The following PRRG3 variants were observed in gnomAD, a reference collection of about 807,000 sequenced individuals.
PRRG3 encodes transmembrane gamma-carboxyglutamic acid protein 3.
PRRG3 carries 21 observed loss-of-function variants against 15.8 expected under a neutral mutation model. The observed-to-expected ratio is 1.33, with a 90% confidence interval of 0.94 to 1.92. The LOEUF is 1.92. PRRG3 is among the 40% of genes most tolerant of loss of function. The pLI is 0.00. For missense variants in PRRG3, 251 were observed against 200.2 expected, an observed-to-expected ratio of 1.25 and a Z score of -1.53; for synonymous variants, 125 against 84.1, an observed-to-expected ratio of 1.49 and a Z score of -2.66.
rs1036008078 is a variant in PRRG3 at position 151,705,615 on chromosome X, T to C, written c.*4582T>C. On this transcript the variant is annotated 3_prime_UTR_variant, in exon 4 of 4. Coordinates refer to ENST00000674457, the MANE Select transcript of PRRG3 (RefSeq NM_001372163.1). Reference sequence around the variant, plus strand: ...ACACATCTGTTATTTTGCTCTGACATTGTGAATTTGTGACAGTGGAAACCC... The same window carrying C: ...ACACATCTGTTATTTTGCTCTGACACTGTGAATTTGTGACAGTGGAAACCC... 2.5e-5 allele frequency: 5 copies of C among 202,698 alleles called. No homozygotes were observed. The highest frequency in any genetic ancestry group is 4.7e-5 in the Non-Finnish European group (5 of 106,761). 16.7% of individuals were successfully genotyped at this position (202,698 alleles called of 1,213,427 possible).
At position 151,704,936 on chromosome X, in the gene PRRG3, T is replaced by C; in HGVS notation, c.*3903T>C. On this transcript the variant is annotated 3_prime_UTR_variant, in exon 4 of 4. Coordinates refer to ENST00000674457, the MANE Select transcript of PRRG3 (RefSeq NM_001372163.1). ...ACAACTTAAGACAATTCACAGTAGC[T>C]GTGATTCTGGCTACATAAAAATATT... 1.5e-5 allele frequency: 2 copies of C among 129,487 alleles called. No homozygotes were observed. The highest frequency in any genetic ancestry group is 3.1e-5 in the Non-Finnish European group (2 of 64,763). 10.7% of individuals were successfully genotyped at this position (129,487 alleles called of 1,213,427 possible). A position where few individuals can be genotyped will look rare whatever the true frequency, so the allele number is the denominator to read the frequency against.
intron 1 of PRRG3, among the ~76,000 whole-genome samples, chrX:151,697,166 C>T (rs1022845287): frequency 1.1e-4 from 11 of 97,292 alleles, no homozygotes; most frequent in African/African-American, 1.5e-4. Flanking sequence ...CTCTCTTTCT[C>T]TCTTTCTCTC....
intron 1 of PRRG3, among the ~76,000 whole-genome samples, chrX:151,696,688 T>C (rs762501339): frequency 1.8e-5 from 2 of 111,175 alleles, no homozygotes; most frequent in Non-Finnish European, 3.8e-5. Flanking sequence ...ACAGCTCCAT[T>C]TTTCTTCAAG....
rs187205365 is a variant in PRRG3 at position 151,700,267 on chromosome X, G to C, written c.168+111G>C. The C allele has an allele frequency of 2.7e-4, 325 of 1,187,053 alleles. No individual in the cohort carries two copies. The East Asian group carries it at 8.2e-3, about 30-fold the overall frequency. The stretch of plus-strand genomic sequence containing the variant: ...AAGCAAGGAAAGACACCCAGCCTAA[G>C]GCATAGCCACTAGGGCCATCACGGA... On this transcript the variant is annotated intron_variant, in intron 3 of 3. Coordinates refer to ENST00000674457, the MANE Select transcript of PRRG3 (RefSeq NM_001372163.1).
rs2014954032 is a variant in PRRG3, at chrX:151,705,052, A to G, written c.*4019A>G. On this transcript the variant is annotated 3_prime_UTR_variant, in exon 4 of 4. Transcript: ENST00000674457. ...AGTACCCTTTTCAAAGAAAAGGCTC[A>G]AGATATTAAGGATCCCTTCACCGTG... 5.5e-6 allele frequency: 1 copy of G among 181,105 alleles called. No homozygotes were observed. Among genetic ancestry groups the G allele is most frequent in the Non-Finnish European group, 1.0e-5 (1 of 97,337 alleles). 14.9% of individuals were successfully genotyped at this position (181,105 alleles called of 1,213,427 possible).
intron 1 of PRRG3, among the ~76,000 whole-genome samples, chrX:151,697,129 T>TCC (rs2124337895): frequency 1.6e-5 from 1 of 64,023 alleles, no homozygotes; most frequent in East Asian, 4.8e-4. Context: ...CCTCCCTCCC[T>TCC]CTCTCCCTCC....
rs756868261 is a variant in PRRG3 at position 151,700,881 on chromosome X, C to G, written c.544C>G (p.Leu182Val). The change falls in exon 4 of 4, where the codon CTC becomes GTC. Residue 182 changes from leucine to valine, a missense_variant. Physicochemically the swap from Leu to Val is conservative, Grantham distance 32. Coordinates refer to ENST00000674457, the MANE Select transcript of PRRG3 (RefSeq NM_001372163.1). ...CACCCTCTACCTCCCTGAGCTCTCT[C>G]TCTCCAGACTGTCCAGCACCACCCC... is the stretch of plus-strand genomic sequence containing the variant. Reference protein sequence around the residue: ...ESTLYLPELSLSRLSSTTPPP... With the variant: ...ESTLYLPELSVSRLSSTTPPP... The G allele has an allele frequency of 1.7e-6, 2 of 1,210,381 alleles. No homozygotes were observed. Among genetic ancestry groups the G allele is most frequent in the South Asian group, 3.5e-5 (2 of 56,786 alleles).
rs1244485880 is a variant in PRRG3, at chrX:151,701,444, G to GCCCT, written c.*411_*412insCCCT. The GCCCT allele has an allele frequency of 8.5e-5, 11 of 129,067 alleles. No individual in the cohort carries two copies. The highest frequency in any genetic ancestry group is 1.2e-4 in the Non-Finnish European group (8 of 64,383). 10.6% of individuals were successfully genotyped at this position (129,067 alleles called of 1,213,427 possible). A position where few individuals can be genotyped will look rare whatever the true frequency, so the allele number is the denominator to read the frequency against. On this transcript the variant is annotated 3_prime_UTR_variant, in exon 4 of 4. Transcript: ENST00000674457. ...GTGTCTAGAGCTCTGGGCCTCAGGG[G>GCCCT]TAAGGGAAGGAAGCCAGCCTTTCAG... is the stretch of plus-strand genomic sequence containing the variant.
chrX:151,700,641 A>C lies in PRRG3; in HGVS notation c.304A>C (p.Arg102=). ...LIVIALFIIW[R]CQLQKATRHH... ...TGTCATCGCCTTGTTCATCATCTGG[A>C]GGTGCCAGCTGCAGAAAGCGACCCG... Residue 102 remains arginine (R), a synonymous_variant, in exon 4 of 4, where the codon AGG becomes CGG. Coordinates refer to ENST00000674457, the MANE Select transcript of PRRG3 (RefSeq NM_001372163.1). 2 of 1,211,134 alleles carry C rather than the reference A, an allele frequency of 1.7e-6. No individual in the cohort carries two copies. The highest frequency in any genetic ancestry group is 2.2e-6 in the Non-Finnish European group (2 of 895,304).
Position 151,703,476 on chromosome X carries a change from T to C in PRRG3, c.*2443T>C, listed in dbSNP as rs1432828769. ...GGACTTCTATGTGTGTGTGTGTGTGTGTGTGTGTGTGTATCTATGTGTGCA... is the reference window on the plus strand; with the variant it reads ...GGACTTCTATGTGTGTGTGTGTGTGCGTGTGTGTGTGTATCTATGTGTGCA... On this transcript the variant is annotated 3_prime_UTR_variant, in exon 4 of 4. Transcript: ENST00000674457. 9.0e-6 allele frequency: 1 copy of C among 111,044 alleles called. No homozygotes were observed. The highest frequency in any genetic ancestry group is 3.3e-5 in the African/African-American group (1 of 30,534). The allele number at this position is 111,044 out of a possible 1,213,427, so 9.2% of individuals were successfully genotyped here. A position where few individuals can be genotyped will look rare whatever the true frequency, so the allele number is the denominator to read the frequency against.
chrX:151,700,764 G>C lies in PRRG3; in HGVS notation c.427G>C (p.Gly143Arg), dbSNP rs2014860646. 8.3e-7 allele frequency: 1 copy of C among 1,199,796 alleles called. No homozygotes were observed. Among genetic ancestry groups the C allele is most frequent in the South Asian group, 1.8e-5 (1 of 55,954 alleles). The change falls in exon 4 of 4, where the codon GGG (glycine) becomes CGG (arginine). Residue 143 changes from glycine (G) to arginine (R), a missense_variant. Physicochemically the swap from Gly to Arg is moderately radical, Grantham distance 125. Transcript: ENST00000674457. The stretch of plus-strand genomic sequence containing the variant: ...GTACCGGGGTACTGTGCATAGCCAA[G>C]GGGAGCCTTCTGGGCACCGAGAGGC... Reference protein sequence around the residue: ...MVYRGTVHSQGEPSGHREAAN... With the variant: ...MVYRGTVHSQREPSGHREAAN...
chrX:151,699,364 C>T (rs997278434), intron 2 of PRRG3, among the ~76,000 whole-genome samples: 12 of 112,509 alleles, frequency 1.1e-4, no homozygotes, highest in South Asian at 3.7e-4. Context: ...GACTCTCCAT[C>T]TGAACCCTGC....
rs2014834255 is a variant in PRRG3 at position 151,699,995 on chromosome X, G to A, written c.8-1G>A. 8.3e-7 allele frequency: 1 copy of A among 1,202,048 alleles called. No homozygotes were observed. The highest frequency in any genetic ancestry group is 1.7e-5 in the African/African-American group (1 of 57,300). On this transcript the variant is annotated splice_acceptor_variant, in intron 2 of 3. Transcript: ENST00000674457. LOFTEE classifies it high-confidence loss of function. The stretch of plus-strand genomic sequence containing the variant: ...AGGCCTCAGTAGGGCTCTCTCCTCA[G>A]TGTTTCTGGAGGCCAAGGATGCCCA...
rs2014916762 is a variant in PRRG3, at chrX:151,703,337, A to G, written c.*2304A>G. The G allele has an allele frequency of 8.9e-6, 1 of 112,270 alleles. No individual in the cohort carries two copies. 9.3% of individuals were successfully genotyped at this position (112,270 alleles called of 1,213,427 possible). On this transcript the variant is annotated 3_prime_UTR_variant, in exon 4 of 4. Transcript: ENST00000674457. ...CACACAGCAGGCATCACTCCTTGCG[A>G]TGCACACTTGGATTTTATGAATGCC... is the stretch of plus-strand genomic sequence containing the variant.
chrX:151,701,126 G>T lies in PRRG3; in HGVS notation c.*93G>T. 1.2e-6 allele frequency: 1 copy of T among 838,285 alleles called. No homozygotes were observed. The highest frequency in any genetic ancestry group is 1.6e-6 in the Non-Finnish European group (1 of 628,262). The allele number at this position is 838,285 out of a possible 1,213,427, so 69.1% of individuals were successfully genotyped here. ...TTAAAGACTGTGCCACCACAAAACA[G>T]CCTTAGCCTCCTTGTTGCCAAATAA... On this transcript the variant is annotated 3_prime_UTR_variant, in exon 4 of 4. Coordinates refer to ENST00000674457, the MANE Select transcript of PRRG3 (RefSeq NM_001372163.1).
Position 151,704,420 on chromosome X carries a change from A to T in PRRG3, c.*3387A>T, listed in dbSNP as rs970430770. Reference sequence around the variant, plus strand: ...AGGACAGGAAAGTGTCTTTTTGTCAAGTAGTCAGAGCCGGATGCTTCCCCT... The same window carrying T: ...AGGACAGGAAAGTGTCTTTTTGTCATGTAGTCAGAGCCGGATGCTTCCCCT... On this transcript the variant is annotated 3_prime_UTR_variant, in exon 4 of 4. Coordinates refer to ENST00000674457, the MANE Select transcript of PRRG3 (RefSeq NM_001372163.1). The T allele has an allele frequency of 1.8e-5, 2 of 111,710 alleles. No individual in the cohort carries two copies. The highest frequency in any genetic ancestry group is 1.9e-4 in the Admixed American group (2 of 10,592). The allele number at this position is 111,710 out of a possible 1,213,427, so 9.2% of individuals were successfully genotyped here. A position where few individuals can be genotyped will look rare whatever the true frequency, so the allele number is the denominator to read the frequency against.
chrX:151,700,721 C>T lies in PRRG3; in HGVS notation c.384C>T (p.Thr128=), dbSNP rs1306628474. The T allele has an allele frequency of 8.3e-7, 1 of 1,210,102 alleles. No homozygotes were observed. Among genetic ancestry groups the T allele is most frequent in the South Asian group, 1.8e-5 (1 of 56,716 alleles). Reference sequence around the variant, plus strand: ...ACCTAGCCAGTCGCGCCGGGCACACCCTCCCCCGGGTCATGGTGTACCGGG... The same window carrying T: ...ACCTAGCCAGTCGCGCCGGGCACACTCTCCCCCGGGTCATGGTGTACCGGG... ...NRYLASRAGH[T]LPRVMVYRGT... The change falls in exon 4 of 4, where the codon ACC becomes ACT. Residue 128 remains threonine, a synonymous_variant. Transcript: ENST00000674457.
rs920156200 is a variant in PRRG3, at chrX:151,702,737, A to T, written c.*1704A>T. On this transcript the variant is annotated 3_prime_UTR_variant, in exon 4 of 4. Coordinates refer to ENST00000674457, the MANE Select transcript of PRRG3 (RefSeq NM_001372163.1). ...CGTCCTCCCTTTCCAGAGCTCCCTGATGCCAGAGATGCTGGTGAATGCAGG... is the reference window on the plus strand; with the variant it reads ...CGTCCTCCCTTTCCAGAGCTCCCTGTTGCCAGAGATGCTGGTGAATGCAGG... 8.9e-6 allele frequency: 1 copy of T among 112,167 alleles called. No homozygotes were observed. Among genetic ancestry groups the T allele is most frequent in the African/African-American group, 3.2e-5 (1 of 30,831 alleles). 9.2% of individuals were successfully genotyped at this position (112,167 alleles called of 1,213,427 possible).
chrX:151,700,820 C>A lies in PRRG3; in HGVS notation c.483C>A (p.Pro161=). The A allele has an allele frequency of 8.4e-7, 1 of 1,191,418 alleles. No individual in the cohort carries two copies. The highest frequency in any genetic ancestry group is 1.1e-6 in the Non-Finnish European group (1 of 883,611). Residue 161 remains proline (P), a synonymous_variant, in exon 4 of 4, where the codon CCC becomes CCA. Coordinates refer to ENST00000674457, the MANE Select transcript of PRRG3 (RefSeq NM_001372163.1). ...ACAGCCCCCAGGTGGTGCTGGGGCC[C>A]AGTCGGGGGGGCAGGACCACAGTCC... ...AANSPQVVLG[P]SRGGRTTVRL...
Sources: gnomAD v4.1 joint callset for allele counts (sites outside exome capture counted in the v4.1 genomes callset) on GRCh38, gnomAD v4.1.1 for gene constraint, MANE v1.5 for transcripts, NCBI Gene and HGNC (gene_info 2026-07-23, HGNC 2026-07-21) for gene names.